The following DRG2 variants were observed in gnomAD, a reference collection of about 807,000 sequenced individuals.
DRG2 encodes the protein developmentally-regulated GTP-binding protein 2.
In DRG2, 36 loss-of-function variants were observed where a neutral mutation model predicts 53.4. That is an observed-to-expected ratio of 0.67 (90% confidence interval 0.52 to 0.89). The LOEUF (loss-of-function observed/expected upper bound fraction) is 0.89, where lower values mean the gene tolerates loss of function less well. Ranked by LOEUF, DRG2 falls within the 40% of genes least tolerant of loss-of-function variation. DRG2 has a pLI of 0.00. For missense variants in DRG2, 342 were observed against 481.2 expected, an observed-to-expected ratio of 0.71 and a Z score of 2.71; for synonymous variants, 167 against 192.1, an observed-to-expected ratio of 0.87 and a Z score of 1.08.
At chr17:18,106,308 TGTGGG>T (rs2045629348) in intron 11 of DRG2, 120 bp from the exon 12 acceptor site, 2 of 1,017,800 alleles carry the variant, frequency 2.0e-6, no homozygotes, top group Non-Finnish European at 3.1e-6. Flanking sequence ...GCCCAGACTG[TGTGGG>T]CACCTGCCGC....
In DRG2 at chr17:18,099,741, T is replaced by A; in HGVS notation, c.467+18T>A. 1 of 1,587,692 alleles carries A rather than the reference T, an allele frequency of 6.3e-7. No homozygotes were observed. On this transcript the variant is annotated intron_variant, in intron 5 of 12. Coordinates refer to ENST00000225729, the MANE Select transcript of DRG2 (RefSeq NM_001388.5). The surrounding 1 kb of genome is among the most constrained non-coding windows in gnomAD (Gnocchi z 4.4). ...GTGCAGAGGTCCGCAGGGTGGGGCA[T>A]GGGGCAGGCTCACATGTCTGGGGAG...
Position 18,103,307 on chromosome 17 carries a change from C to A in DRG2, c.807-494C>A, listed in dbSNP as rs1219859122. ...ATCCCGGGCCTTATCTTTTTAATCCCTCTGCAGTCCTGCGAGGTAGGGACT... is the reference window on the plus strand; with the variant it reads ...ATCCCGGGCCTTATCTTTTTAATCCATCTGCAGTCCTGCGAGGTAGGGACT... On this transcript the variant is annotated intron_variant, in intron 9 of 12. Coordinates refer to ENST00000225729, the MANE Select transcript of DRG2 (RefSeq NM_001388.5). The surrounding 1 kb of genome is among the most constrained non-coding windows in gnomAD (Gnocchi z 4.4). Among the ~76,000 whole-genome samples the A allele has an allele frequency of 6.6e-6, 1 of 152,134 alleles. No homozygotes were observed. Among genetic ancestry groups the A allele is most frequent in the African/African-American group, 2.4e-5 (1 of 41,444 alleles).
chr17:18,088,439 T>G (rs2045255353), intron 1 of DRG2, among the ~76,000 whole-genome samples: 1 of 152,128 alleles, frequency 6.6e-6, no homozygotes, highest in Non-Finnish European at 1.5e-5. Context: ...TACTCTGTTG[T>G]TTTGGGAAGT....
In DRG2 at chr17:18,098,469, A is replaced by G. The variant is rs1347621176; in HGVS notation, c.315+110A>G. On this transcript the variant is annotated intron_variant, in intron 3 of 12. Transcript: ENST00000225729. The surrounding 1 kb of genome is among the most constrained non-coding windows in gnomAD (Gnocchi z 4.1). Reference sequence around the variant, plus strand: ...TGGGTGGATGTCCCCATGTCAGGACAGGCTCTGGACTGAGCTGCTTTGCCC... The same window carrying G: ...TGGGTGGATGTCCCCATGTCAGGACGGGCTCTGGACTGAGCTGCTTTGCCC... 4.0e-6 allele frequency: 4 copies of G among 1,005,980 alleles called. No individual in the cohort carries two copies. In the African/African-American group the frequency reaches 4.8e-5, roughly 12 times the overall value. The allele number at this position is 1,005,980 out of a possible 1,614,324, so 62.3% of individuals were successfully genotyped here.
chr17:18,094,701 G>A (rs1177997585), intron 2 of DRG2, among the ~76,000 whole-genome samples: 3 of 152,050 alleles, frequency 2.0e-5, no homozygotes, highest in Non-Finnish European at 2.9e-5. Context: ...TCGGCCGGGC[G>A]CGGTGGCTCA....
At chr17:18,105,985 C>T (rs1360336509) in intron 11 of DRG2, 1 of 186,326 alleles carries the variant, frequency 5.4e-6, no homozygotes, top group Admixed American at 5.2e-5. Context: ...AGTTTATACA[C>T]TGCCCTGGGA....
chr17:18,090,392 ATATATATATATATATTT>A (rs1441520158), intron 1 of DRG2, among the ~76,000 whole-genome samples: 3 of 11,718 alleles, frequency 2.6e-4, no homozygotes, highest in Non-Finnish European at 4.0e-4. Context: ...ATATATATAT[ATATATATATATATATTT>A]TTTTTTTTTT....
intron 1 of DRG2, among the ~76,000 whole-genome samples, chr17:18,090,404 A>AT (rs2045310616): frequency 8.6e-5 from 1 of 11,572 alleles, no homozygotes; most frequent in African/African-American, 5.8e-4. Flanking sequence ...ATATATATAT[A>AT]TATTTTTTTT....
At chr17:18,104,198 C>T (rs2045587442) in intron 10 of DRG2, among the ~76,000 whole-genome samples, 1 of 152,234 alleles carries the variant, frequency 6.6e-6, no homozygotes, top group Non-Finnish European at 1.5e-5. Context: ...TGTCTAACTC[C>T]TGCCCATCCT....
Position 18,103,899 on chromosome 17 carries a change from A to C in DRG2, c.895+10A>C. ...ACCAAGAAGAGAGGACGTGAGTTGC[A>C]CTGCGCGTAGCTGAAAAACAGGCTG... On this transcript the variant is annotated intron_variant, in intron 10 of 12. Transcript: ENST00000225729. The surrounding 1 kb of genome is among the most constrained non-coding windows in gnomAD (Gnocchi z 4.4). The C allele has an allele frequency of 6.2e-7, 1 of 1,613,586 alleles. No homozygotes were observed. The highest frequency in any genetic ancestry group is 1.1e-5 in the South Asian group (1 of 91,062).
chr17:18,099,524 G>T lies in DRG2; in HGVS notation c.377-109G>T, dbSNP rs552393584. ...AAAAATGCCAAGCTTGTGCTAGTAT[G>T]TGGCAGAGGCTGTGGTAGGTCTGTA... On this transcript the variant is annotated intron_variant, in intron 4 of 12. Coordinates refer to ENST00000225729, the MANE Select transcript of DRG2 (RefSeq NM_001388.5). The surrounding 1 kb of genome is among the most constrained non-coding windows in gnomAD (Gnocchi z 4.4). 9 of 1,101,412 alleles carry T rather than the reference G, an allele frequency of 8.2e-6. No homozygotes were observed. The highest frequency in any genetic ancestry group is 3.9e-4 in the Middle Eastern group (2 of 5,110). 68.2% of individuals were successfully genotyped at this position (1,101,412 alleles called of 1,614,324 possible).
intron 1 of DRG2, among the ~76,000 whole-genome samples, chr17:18,089,421 T>C (rs1043906650): frequency 6.6e-6 from 1 of 152,210 alleles, no homozygotes; most frequent in Non-Finnish European, 1.5e-5. Context: ...ATTACAGGCA[T>C]GAGCCACCGT....
chr17:18,099,755 A>G lies in DRG2; in HGVS notation c.467+32A>G, dbSNP rs572282360. The G allele has an allele frequency of 1.9e-6, 3 of 1,573,574 alleles. No homozygotes were observed. The highest frequency in any genetic ancestry group is 2.3e-5 in the South Asian group (2 of 85,686). ...AGGGTGGGGCATGGGGCAGGCTCAC[A>G]TGTCTGGGGAGGGCCAATGTGTCCC... is the stretch of plus-strand genomic sequence containing the variant. On this transcript the variant is annotated intron_variant, in intron 5 of 12. Coordinates refer to ENST00000225729, the MANE Select transcript of DRG2 (RefSeq NM_001388.5). The surrounding 1 kb of genome is among the most constrained non-coding windows in gnomAD (Gnocchi z 4.4).
intron 1 of DRG2, among the ~76,000 whole-genome samples, chr17:18,091,157 T>G (rs563195311): frequency 6.6e-6 from 1 of 152,316 alleles, no homozygotes; most frequent in South Asian, 2.1e-4. Flanking sequence ...AACCTGCTCA[T>G]GAGGCAGGAA....
At chr17:18,104,479 G>GGT in intron 10 of DRG2, 144 bp from the exon 11 acceptor site, 3 of 1,476,084 alleles carry the variant, frequency 2.0e-6, no homozygotes, top group Non-Finnish European at 2.7e-6. Context: ...CTATGTGGAG[G>GGT]GTGTGCTGGA....
chr17:18,095,132 C>T (rs1226518374), intron 2 of DRG2, among the ~76,000 whole-genome samples: 1 of 151,530 alleles, frequency 6.6e-6, no homozygotes, highest in Non-Finnish European at 1.5e-5. Flanking sequence ...ATCAATCAGC[C>T]TCCCGAGTAG....
intron 1 of DRG2, among the ~76,000 whole-genome samples, chr17:18,093,178 T>C (rs191844328): frequency 5.7e-4 from 87 of 152,288 alleles, no homozygotes; most frequent in Non-Finnish European, 9.4e-4. Context: ...CCCTGCCCAA[T>C]AGATGCCAAT....
rs2045513602 is a variant in DRG2, at chr17:18,100,549, A to G, written c.541-20A>G. 1 of 1,613,876 alleles carries G rather than the reference A, an allele frequency of 6.2e-7. No individual in the cohort carries two copies. The highest frequency in any genetic ancestry group is 8.5e-7 in the Non-Finnish European group (1 of 1,179,872). Reference sequence around the variant, plus strand: ...GACCCCTCGGTCAGCAGTTCTCCCCATCCCTTTCTCCTCTTTCAGCCCAAG... The same window carrying G: ...GACCCCTCGGTCAGCAGTTCTCCCCGTCCCTTTCTCCTCTTTCAGCCCAAG... On this transcript the variant is annotated intron_variant, in intron 6 of 12. Coordinates refer to ENST00000225729, the MANE Select transcript of DRG2 (RefSeq NM_001388.5). The surrounding 1 kb of genome is among the most constrained non-coding windows in gnomAD (Gnocchi z 4.1).
At position 18,098,344 on chromosome 17, in the gene DRG2, T is replaced by G; in HGVS notation, c.300T>G (p.Ile100Met). Residue 100 changes from isoleucine (I) to methionine (M), a missense_variant, in exon 3 of 13, where the codon ATT becomes ATG. Ile to Met is a conservative substitution (Grantham distance 10). Transcript: ENST00000225729. This position sits in a 1 kb window ranked among gnomAD's most constrained non-coding sequence, Gnocchi z 4.1. ...ASYEFTTLTC[I>M]PGVIEYKGAN... ...ATGAGTTCACCACTCTGACGTGTATTCCTGGGGTCATTGAAGTAAGTGGGT... is the reference window on the plus strand; with the variant it reads ...ATGAGTTCACCACTCTGACGTGTATGCCTGGGGTCATTGAAGTAAGTGGGT... The G allele has an allele frequency of 6.2e-7, 1 of 1,613,972 alleles. No homozygotes were observed. The highest frequency in any genetic ancestry group is 8.5e-7 in the Non-Finnish European group (1 of 1,179,874).
Sources: gnomAD v4.1 joint callset for allele counts (sites outside exome capture counted in the v4.1 genomes callset) on GRCh38, gnomAD v4.1.1 for gene constraint, Gnocchi (gnomAD v3.1) non-coding constraint, MANE v1.5 for transcripts, NCBI Gene and HGNC (gene_info 2026-07-23, HGNC 2026-07-21) for gene names.